Variants in SPAG16 observed in about 807,000 individuals in gnomAD.
SPAG16 encodes sperm-associated antigen 16 protein.
SPAG16 carries 86 observed loss-of-function variants against 80.4 expected under a neutral mutation model. The observed-to-expected ratio is 1.07, with a 90% CI of 0.90 to 1.28. The LOEUF (loss-of-function observed/expected upper bound fraction) is 1.28. Among genes scored for constraint, SPAG16 ranks in the 50% most tolerant of loss-of-function variants. The pLI is 0.00. For synonymous variants in SPAG16, 294 were observed against 265.9 expected (o/e 1.11, Z -1.03); for missense variants, 870 against 765.3 (o/e 1.14, Z -1.61).
chr2:213,889,817 G>A (rs1011653355), intron 11 of SPAG16, among the ~76,000 whole-genome samples: 15 of 151,266 alleles, frequency 9.9e-5, no homozygotes, highest in African/African-American at 3.4e-4. Flanking sequence ...GACATCAAAT[G>A]TTGCCTATGG....
Position 214,315,455 on chromosome 2 carries a change from G to A in SPAG16, c.1721-94685G>A, listed in dbSNP as rs182946997. On this transcript the variant is annotated intron_variant, in intron 15 of 15. Transcript: ENST00000331683. ...ATGAGGTTATCTAAGGAAAGAATTC[G>A]GTTAGCTTCAGGTGAATTTATTCTT... is the stretch of plus-strand genomic sequence containing the variant. 3.6e-4 allele frequency among the ~76,000 whole-genome samples: 54 copies of A among 151,938 alleles called. 1 individual carries two copies. Among genetic ancestry groups the A allele is most frequent in the African/African-American group, 8.9e-4 (37 of 41,462 alleles).
chr2:213,993,396 A>C (rs2046371638), intron 12 of SPAG16, among the ~76,000 whole-genome samples: 1 of 152,208 alleles, frequency 6.6e-6, no homozygotes, highest in Non-Finnish European at 1.5e-5. Context: ...CTGTCAATAT[A>C]TCATTTGCAT....
rs571278655 is a variant in SPAG16 at position 214,210,346 on chromosome 2, A to G, written c.1720+61080A>G. 6.6e-5 allele frequency among the ~76,000 whole-genome samples: 10 copies of G among 152,268 alleles called. No individual in the cohort carries two copies. The East Asian group carries it at 1.9e-3, about 29-fold the overall frequency. On this transcript the variant is annotated intron_variant, in intron 15 of 15. Transcript: ENST00000331683. ...TTGTGACAATCTGAAAAAAACTTGCAGATGAACCATGTAGCCTAGAAATAA... is the reference window on the plus strand; with the variant it reads ...TTGTGACAATCTGAAAAAAACTTGCGGATGAACCATGTAGCCTAGAAATAA...
At chr2:214,121,181 G>T (rs1365922480) in intron 14 of SPAG16, among the ~76,000 whole-genome samples, 1 of 151,724 alleles carries the variant, frequency 6.6e-6, no homozygotes, top group Non-Finnish European at 1.5e-5. Context: ...AGCATAGTTT[G>T]TTTTACATAT....
At chr2:213,377,945 A>G (rs2066976024) in intron 9 of SPAG16, among the ~76,000 whole-genome samples, 1 of 150,774 alleles carries the variant, frequency 6.6e-6, no homozygotes, top group African/African-American at 2.4e-5. Context: ...CTAATAAGAT[A>G]TATATGGGGA....
intron 15 of SPAG16, among the ~76,000 whole-genome samples, chr2:214,402,959 A>G (rs1701795040): frequency 6.6e-6 from 1 of 151,726 alleles, no homozygotes; most frequent in Non-Finnish European, 1.5e-5. Flanking sequence ...CACTCAAGAG[A>G]GATTTTGATA....
intron 15 of SPAG16, among the ~76,000 whole-genome samples, chr2:214,368,049 T>C (rs1396317765): frequency 1.3e-5 from 2 of 152,250 alleles, no homozygotes; most frequent in Middle Eastern, 3.4e-3. Flanking sequence ...AGGATCTCAA[T>C]ATTGAGTTTT....
At chr2:213,969,940 G>A (rs9789685) in intron 12 of SPAG16, among the ~76,000 whole-genome samples, 108,379 of 152,046 alleles carry the variant, frequency 0.71, 38,824 homozygotes, top group South Asian at 0.86. Context: ...TGAGTAACTT[G>A]TGAAAAACAA....
At chr2:214,383,260 A>G (rs1270120528) in intron 15 of SPAG16, among the ~76,000 whole-genome samples, 1 of 152,124 alleles carries the variant, frequency 6.6e-6, no homozygotes, top group Admixed American at 6.6e-5. Context: ...TAAGAAATCA[A>G]AAGAGGCCCC....
chr2:213,676,359 T>C (rs2064074954), intron 10 of SPAG16, among the ~76,000 whole-genome samples: 1 of 151,862 alleles, frequency 6.6e-6, no homozygotes, highest in South Asian at 2.1e-4. Flanking sequence ...CTTTTCCTAA[T>C]TGAATACCCT....
intron 15 of SPAG16, among the ~76,000 whole-genome samples, chr2:214,368,460 T>C (rs1699618425): frequency 6.6e-6 from 1 of 152,136 alleles, no homozygotes; most frequent in Non-Finnish European, 1.5e-5. Flanking sequence ...TCATTTTTCT[T>C]TTCTCAGCAT....
intron 10 of SPAG16, among the ~76,000 whole-genome samples, chr2:213,671,451 A>G (rs922002178): frequency 2.0e-5 from 3 of 149,800 alleles, no homozygotes; most frequent in African/African-American, 7.7e-5. Context: ...CATGAGTGGC[A>G]TACATAGCAG....
chr2:214,118,702 C>T (rs1043842896), intron 14 of SPAG16, among the ~76,000 whole-genome samples: 2 of 152,096 alleles, frequency 1.3e-5, no homozygotes, highest in East Asian at 3.9e-4. Context: ...CCCTCCTAGA[C>T]ATATGGCGAT....
chr2:214,030,367 A>G (rs2048348413), intron 13 of SPAG16, among the ~76,000 whole-genome samples: 2 of 152,116 alleles, frequency 1.3e-5, no homozygotes, highest in African/African-American at 2.4e-5. Flanking sequence ...CAGCACTCCC[A>G]TGTTCATTAC....
chr2:214,213,702 G>T (rs1417186858), intron 15 of SPAG16, among the ~76,000 whole-genome samples: 1 of 152,112 alleles, frequency 6.6e-6, no homozygotes, highest in Non-Finnish European at 1.5e-5. Context: ...GAAGGATTGA[G>T]CCCAATTAAG....
At chr2:213,630,318 A>T (rs1420988329) in intron 10 of SPAG16, among the ~76,000 whole-genome samples, 1 of 151,412 alleles carries the variant, frequency 6.6e-6, no homozygotes, top group Non-Finnish European at 1.5e-5. Context: ...TGGGAGGCAG[A>T]GGTTGCAGTG....
chr2:213,948,534 G>A (rs950309276), intron 12 of SPAG16, among the ~76,000 whole-genome samples: 3 of 152,024 alleles, frequency 2.0e-5, no homozygotes, highest in African/African-American at 7.2e-5. Flanking sequence ...TGCTTTGCTG[G>A]TGGTTTAGGA....
intron 10 of SPAG16, among the ~76,000 whole-genome samples, chr2:213,814,859 CA>C (rs2072418464): frequency 6.7e-6 from 1 of 149,792 alleles, no homozygotes; most frequent in African/African-American, 2.5e-5. Context: ...TTCAAGAGAA[CA>C]TAACAGCCTT....
intron 10 of SPAG16, among the ~76,000 whole-genome samples, chr2:213,527,566 C>T (rs1034481351): frequency 6.6e-6 from 1 of 152,042 alleles, no homozygotes; most frequent in African/African-American, 2.4e-5. Flanking sequence ...ATGTTCCTCT[C>T]CCTGAAATAG....
Sources: gnomAD v4.1 joint callset for allele counts (sites outside exome capture counted in the v4.1 genomes callset) on GRCh38, gnomAD v4.1.1 for gene constraint, MANE v1.5 for transcripts, NCBI Gene and HGNC (gene_info 2026-07-23, HGNC 2026-07-21) for gene names.